Variants in LRRC37A2 observed in about 807,000 individuals in gnomAD.
LRRC37A2 encodes the protein leucine-rich repeat-containing protein 37A2.
LRRC37A2 carries 9 observed loss-of-function variants against 68.8 expected under a neutral mutation model. The observed-to-expected ratio is 0.13, with a 90% confidence interval of 0.08 to 0.23. The LOEUF is 0.23. Among genes scored for constraint, LRRC37A2 ranks in the 10% least tolerant of loss-of-function variants. LRRC37A2 has a pLI of 1.00. For synonymous variants in LRRC37A2, 63 were observed against 367.6 expected (o/e 0.17, Z 9.48); for missense variants, 168 against 950.4 (o/e 0.18, Z 10.82).
At chr17:47,025,431 T>C in the LRRC37A2 span, among the ~76,000 whole-genome samples, 1 of 152,164 alleles carries the variant, frequency 6.6e-6, no homozygotes, top group Admixed American at 6.6e-5. Flanking sequence ...TTATCGAGAA[T>C]ATTAAGCTAC....
the LRRC37A2 span, among the ~76,000 whole-genome samples, chr17:47,002,552 A>G: frequency 6.6e-6 from 1 of 151,970 alleles, no homozygotes; most frequent in Non-Finnish European, 1.5e-5. Flanking sequence ...CACTAGGCCC[A>G]GCTAATTTTG....
chr17:46,851,695 C>A, the LRRC37A2 span: 3 of 1,309,970 alleles, frequency 2.3e-6, no homozygotes, highest in African/African-American at 3.1e-5. This position sits in a 1 kb window ranked among gnomAD's most constrained non-coding sequence, Gnocchi z 4.3. Flanking sequence ...CGCTGCCCGC[C>A]GCCGCCGCCT....
the LRRC37A2 span, among the ~76,000 whole-genome samples, chr17:47,045,807 C>T: frequency 9.1e-5 from 4 of 44,104 alleles, no homozygotes; most frequent in African/African-American, 2.1e-4. Flanking sequence ...CATGCTTCTA[C>T]TTTCTTTGAT....
the LRRC37A2 span, among the ~76,000 whole-genome samples, chr17:46,456,287 C>T: frequency 1.1e-5 from 1 of 89,768 alleles, no homozygotes; most frequent in African/African-American, 3.9e-5. Context: ...TATAATTTAT[C>T]GTTATATGTA....
chr17:46,782,748 T>C, the LRRC37A2 span, among the ~76,000 whole-genome samples: 1 of 152,228 alleles, frequency 6.6e-6, no homozygotes, highest in Non-Finnish European at 1.5e-5. Context: ...GCCACAGGCC[T>C]GGACTGGAGC....
chr17:46,744,638 T>G, the LRRC37A2 span, among the ~76,000 whole-genome samples: 1 of 152,176 alleles, frequency 6.6e-6, no homozygotes. Flanking sequence ...AAAAGCTTTC[T>G]TCCACTTGAA....
the LRRC37A2 span, among the ~76,000 whole-genome samples, chr17:47,012,669 CA>C: frequency 6.6e-6 from 1 of 152,158 alleles, no homozygotes; most frequent in African/African-American, 2.4e-5. Flanking sequence ...ATCAAAACCA[CA>C]AAATGATACC....
chr17:46,491,140 G>T, the LRRC37A2 span, among the ~76,000 whole-genome samples: 1 of 150,876 alleles, frequency 6.6e-6, no homozygotes, highest in African/African-American at 2.5e-5. Flanking sequence ...CAGGCGATCC[G>T]CCCGCCTCAG....
the LRRC37A2 span, among the ~76,000 whole-genome samples, chr17:46,911,036 G>T: frequency 1.3e-4 from 20 of 152,328 alleles, no homozygotes; most frequent in South Asian, 2.5e-3. Context: ...TGGAGAGGAA[G>T]GTGGGTGCAG....
the LRRC37A2 span, chr17:46,726,476 G>GT: frequency 1.5e-6 from 2 of 1,358,752 alleles, no homozygotes; most frequent in Non-Finnish European, 2.1e-6. Flanking sequence ...TGCTCAAGAA[G>GT]TAACTAAACT....
chr17:46,921,828 A>C, the LRRC37A2 span, among the ~76,000 whole-genome samples: 1 of 152,212 alleles, frequency 6.6e-6, no homozygotes, highest in Non-Finnish European at 1.5e-5. Flanking sequence ...AAAAGTCAGG[A>C]AACAACAGCT....
the LRRC37A2 span, among the ~76,000 whole-genome samples, chr17:46,981,824 A>C: frequency 6.6e-6 from 1 of 151,920 alleles, no homozygotes; most frequent in African/African-American, 2.4e-5. Flanking sequence ...CCTTACCTCA[A>C]CTTTCTGAGT....
the LRRC37A2 span, chr17:46,935,496 C>T: frequency 5.2e-6 from 7 of 1,339,820 alleles, no homozygotes; most frequent in African/African-American, 1.0e-4. Flanking sequence ...ACAGAATCTA[C>T]TCTTGGAAGA....
the LRRC37A2 span, among the ~76,000 whole-genome samples, chr17:47,020,594 A>G: frequency 6.6e-6 from 1 of 150,528 alleles, no homozygotes; most frequent in African/African-American, 2.5e-5. Flanking sequence ...CCTGGCTAAC[A>G]TGGTGAAACC....
the LRRC37A2 span, among the ~76,000 whole-genome samples, chr17:46,733,388 G>C: frequency 6.6e-6 from 1 of 152,042 alleles, no homozygotes; most frequent in South Asian, 2.1e-4. Context: ...GTCTGAAAAG[G>C]AACTCCTTGG....
At chr17:46,727,997 T>G in the LRRC37A2 span, among the ~76,000 whole-genome samples, 85 of 146,234 alleles carry the variant, frequency 5.8e-4, no homozygotes, top group East Asian at 1.6e-3. Flanking sequence ...GGATATTCTG[T>G]TTTTTTTTTT....
chr17:46,760,633 CAAAA>C, the LRRC37A2 span, among the ~76,000 whole-genome samples: 9 of 61,256 alleles, frequency 1.5e-4, no homozygotes, highest in African/African-American at 2.4e-4. Flanking sequence ...GACCCTATCT[CAAAA>C]AAAAAAAAAA....
the LRRC37A2 span, chr17:46,851,677 C>A: frequency 7.6e-7 from 1 of 1,309,926 alleles, no homozygotes; most frequent in Admixed American, 3.7e-5. The surrounding 1 kb of genome is among the most constrained non-coding windows in gnomAD (Gnocchi z 4.3). Context: ...CCGGGCTCTG[C>A]CTGCTGGCGC....
chr17:46,847,795 G>A, the LRRC37A2 span, among the ~76,000 whole-genome samples: 1 of 152,220 alleles, frequency 6.6e-6, no homozygotes, highest in African/African-American at 2.4e-5. Context: ...GGAGGCACAG[G>A]AGATATGGAG....
Sources: gnomAD v4.1 joint callset for allele counts (sites outside exome capture counted in the v4.1 genomes callset) on GRCh38, gnomAD v4.1.1 for gene constraint, Gnocchi (gnomAD v3.1) non-coding constraint, MANE v1.5 for transcripts, NCBI Gene and HGNC (gene_info 2026-07-23, HGNC 2026-07-21) for gene names.